The following MOV10L1 variants were observed in gnomAD, a reference collection of about 807,000 sequenced individuals.
The protein encoded by MOV10L1 is RNA helicase Mov10l1.
MOV10L1 carries 110 observed loss-of-function variants against 143.8 expected under a neutral mutation model. The ratio of observed to expected loss-of-function variants is 0.76; its 90% confidence interval spans 0.66 to 0.90. The LOEUF (loss-of-function observed/expected upper bound fraction) is 0.90, where lower values mean the gene tolerates loss of function less well. Among genes scored for constraint, MOV10L1 ranks in the 40% least tolerant of loss-of-function variants. The probability of loss-of-function intolerance (pLI) is 0.00; values close to 1 mark genes in which losing one functional copy is unlikely to be tolerated. For missense variants in MOV10L1, 1,406 were observed against 1,526.8 expected (o/e 0.92, Z 1.32); for synonymous variants, 593 against 581.1 (o/e 1.02, Z -0.29).
At chr22:50,161,260 C>A in intron 26 of MOV10L1, 108 bp from the exon 27 acceptor site, 1 of 1,056,356 alleles carries the variant, frequency 9.5e-7, no homozygotes, top group Non-Finnish European at 1.4e-6. Flanking sequence ...CATAGGCTAA[C>A]AGGGTAAACT....
At chr22:50,104,728 CT>C (rs1384264731) in intron 3 of MOV10L1, among the ~76,000 whole-genome samples, 1 of 151,932 alleles carries the variant, frequency 6.6e-6, no homozygotes, top group African/African-American at 2.4e-5. Context: ...TATTAACATA[CT>C]TTAATATCTT....
intron 5 of MOV10L1, among the ~76,000 whole-genome samples, chr22:50,110,181 G>A (rs1354030886): frequency 1.3e-5 from 2 of 151,840 alleles, no homozygotes; most frequent in African/African-American, 4.8e-5. Flanking sequence ...CGGGCGCGGT[G>A]GCTCACGCCC....
chr22:50,155,632 C>A (rs560597856), intron 22 of MOV10L1, among the ~76,000 whole-genome samples: 1 of 152,172 alleles, frequency 6.6e-6, no homozygotes, highest in African/African-American at 2.4e-5. Context: ...CCTGCCACCA[C>A]GTCCGGCTAA....
In MOV10L1 at chr22:50,099,441, A is replaced by G; in HGVS notation, c.283-2A>G. 5.0e-6 allele frequency: 8 copies of G among 1,613,010 alleles called. No individual in the cohort carries two copies. Among genetic ancestry groups the G allele is most frequent in the Non-Finnish European group, 6.8e-6 (8 of 1,179,220 alleles). Reference sequence around the variant, plus strand: ...GTTTAGAGCGGTGTGTTTGTTTTACAGGTAGAAGCTGTCTCTGATAAGTGG... The same window carrying G: ...GTTTAGAGCGGTGTGTTTGTTTTACGGGTAGAAGCTGTCTCTGATAAGTGG... On this transcript the variant is annotated splice_acceptor_variant, in intron 2 of 26. Transcript: ENST00000262794. LOFTEE classifies it high-confidence loss of function.
chr22:50,125,325 C>T (rs1039177954), intron 10 of MOV10L1, 67 bp from the exon 11 acceptor site: 31 of 1,501,720 alleles, frequency 2.1e-5, no homozygotes, highest in East Asian at 6.8e-5. Context: ...TTTCCTGCTC[C>T]GGAGCTGCTA....
At chr22:50,101,377 G>C (rs914111637) in intron 3 of MOV10L1, among the ~76,000 whole-genome samples, 1 of 152,052 alleles carries the variant, frequency 6.6e-6, no homozygotes, top group Non-Finnish European at 1.5e-5. Context: ...CACCACACCT[G>C]GCTAATTTTT....
chr22:50,146,773 A>G (rs1022093829), intron 19 of MOV10L1, among the ~76,000 whole-genome samples: 1 of 152,178 alleles, frequency 6.6e-6, no homozygotes, highest in Non-Finnish European at 1.5e-5. Flanking sequence ...AGCCACGCCT[A>G]TCACAGCGTG....
chr22:50,125,947 C>T (rs1360177098), intron 11 of MOV10L1, among the ~76,000 whole-genome samples: 1 of 143,852 alleles, frequency 7.0e-6, no homozygotes, highest in Non-Finnish European at 1.5e-5. Flanking sequence ...GCCACCACAC[C>T]CGGCTGATTT....
Position 50,143,075 on chromosome 22 carries a change from A to G in MOV10L1, c.2212A>G (p.Met738Val), listed in dbSNP as rs2063036745. Reference protein sequence around the residue: ...DEIQTPKARKMEFFNPVLNEN... With the variant: ...DEIQTPKARKVEFFNPVLNEN... ...AATTCAGACCCCTAAAGCAAGAAAG[A>G]TGGAGTTTTTCAACCCAGTGCTAAA... Residue 738 changes from methionine to valine, a missense_variant, in exon 17 of 27, where the codon ATG becomes GTG. Physicochemically the swap from Met to Val is conservative, Grantham distance 21. Transcript: ENST00000262794. 3 of 1,614,198 alleles carry G rather than the reference A, an allele frequency of 1.9e-6. No individual in the cohort carries two copies. Among genetic ancestry groups the G allele is most frequent in the Non-Finnish European group, 2.5e-6 (3 of 1,180,030 alleles).
Position 50,145,714 on chromosome 22 carries a change from A to G in MOV10L1, c.2531A>G (p.Tyr844Cys), listed in dbSNP as rs749321764. ...EEIVIDAVKP[Y>C]CRDGEDIWKA... ...ATAGTTATTGACGCCGTCAAACCGT[A>G]TTGCAGAGACGGAGAAGACATCTGG... is the stretch of plus-strand genomic sequence containing the variant. The change falls in exon 19 of 27, where the codon TAT (tyrosine) becomes TGT (cysteine). Residue 844 changes from tyrosine to cysteine, a missense_variant. Tyr to Cys is a radical substitution (Grantham distance 194). Transcript: ENST00000262794. The G allele has an allele frequency of 4.3e-6, 7 of 1,614,178 alleles. No individual in the cohort carries two copies. Among genetic ancestry groups the G allele is most frequent in the Non-Finnish European group, 5.9e-6 (7 of 1,180,040 alleles).
At chr22:50,126,562 G>C (rs1251218351) in intron 12 of MOV10L1, among the ~76,000 whole-genome samples, 1 of 152,232 alleles carries the variant, frequency 6.6e-6, no homozygotes, top group Non-Finnish European at 1.5e-5. Context: ...AGCTCGCAGA[G>C]TGGAGGCCTT....
At chr22:50,090,647 G>C in intron 1 of MOV10L1, 7 of 1,123,902 alleles carry the variant, frequency 6.2e-6, no homozygotes, top group Non-Finnish European at 9.2e-6. Context: ...GCGCCCGGAT[G>C]CCCTCACCGT....
chr22:50,099,814 A>G (rs909927950), intron 3 of MOV10L1, among the ~76,000 whole-genome samples: 5 of 152,190 alleles, frequency 3.3e-5, no homozygotes, highest in East Asian at 1.9e-4. Context: ...CCCTGTGTCT[A>G]TATTTGTGAT....
chr22:50,101,944 A>G (rs535766404), intron 3 of MOV10L1, among the ~76,000 whole-genome samples: 3 of 152,308 alleles, frequency 2.0e-5, no homozygotes, highest in South Asian at 4.2e-4. Context: ...AGGCCCCTCA[A>G]CCCTGCTAAC....
intron 2 of MOV10L1, chr22:50,095,999 AC>A (rs1346465845): frequency 1.3e-5 from 2 of 151,910 alleles, no homozygotes; most frequent in African/African-American, 4.8e-5. Context: ...TTTGGTATAA[AC>A]CTGAATGTAC....
chr22:50,160,063 G>C (rs544527513), intron 24 of MOV10L1, among the ~76,000 whole-genome samples: 2 of 152,254 alleles, frequency 1.3e-5, no homozygotes, highest in South Asian at 4.1e-4. Flanking sequence ...TGGAAGAACA[G>C]GCAGCTGAGG....
In MOV10L1 at chr22:50,151,029, C is replaced by G. The variant is rs138410975; in HGVS notation, c.2892+130C>G. ...TGGGCAGAGTGCAGGGGAGCACCCA[C>G]CATAGCACCTCCCCCGTCAGCAGAA... is the stretch of plus-strand genomic sequence containing the variant. On this transcript the variant is annotated intron_variant, in intron 21 of 26. Coordinates refer to ENST00000262794, the MANE Select transcript of MOV10L1 (RefSeq NM_018995.3). 3.6e-4 allele frequency: 405 copies of G among 1,127,482 alleles called. 1 individual carries two copies. The African/African-American group carries it at 5.7e-3, about 16-fold the overall frequency. The allele number at this position is 1,127,482 out of a possible 1,614,324, so 69.8% of individuals were successfully genotyped here. A position where few individuals can be genotyped will look rare whatever the true frequency, so the allele number is the denominator to read the frequency against.
chr22:50,108,259 G>A lies in MOV10L1; in HGVS notation c.555+11G>A, dbSNP rs202087110. On this transcript the variant is annotated intron_variant, in intron 4 of 26. Coordinates refer to ENST00000262794, the MANE Select transcript of MOV10L1 (RefSeq NM_018995.3). ...AAGCGCGTGGACAAGGTAGCGTGCC[G>A]ACTAGTGGCTCCTCTCTGTGCTTCT... is the stretch of plus-strand genomic sequence containing the variant. 105 of 1,603,516 alleles carry A rather than the reference G, an allele frequency of 6.5e-5. No individual in the cohort carries two copies. The highest frequency in any genetic ancestry group is 2.2e-4 in the East Asian group (10 of 44,534).
At chr22:50,155,131 CCATTA>C (rs1290978483) in intron 22 of MOV10L1, among the ~76,000 whole-genome samples, 1 of 152,058 alleles carries the variant, frequency 6.6e-6, no homozygotes, top group Non-Finnish European at 1.5e-5. Context: ...AGTTTCCATC[CCATTA>C]ATCTTTTAAG....
Sources: allele counts gnomAD v4.1 joint callset (sites outside exome capture counted in the v4.1 genomes callset), GRCh38; gene constraint gnomAD v4.1.1; transcripts MANE v1.5; gene names NCBI Gene and HGNC (gene_info 2026-07-23, HGNC 2026-07-21).